The following SPECC1 variants were observed in gnomAD, a reference collection of about 807,000 sequenced individuals.
The protein encoded by SPECC1 is sperm antigen with calponin homology and coiled-coil domains 1, also known as cytospin-B.
A neutral mutation model predicts 104.1 loss-of-function variants in SPECC1; 62 were observed. The observed-to-expected ratio is 0.60, with a 90% CI of 0.49 to 0.74. The LOEUF is 0.74. SPECC1 is among the 30% of genes least tolerant of loss of function. The pLI is 0.00. For synonymous variants in SPECC1, 513 were observed against 501.6 expected, an observed-to-expected ratio of 1.02 and a Z score of -0.30; for missense variants, 1,306 against 1,310.5, an observed-to-expected ratio of 1.00 and a Z score of 0.05.
chr17:20,035,806 T>C (rs1418077931), intron 1 of SPECC1, among the ~76,000 whole-genome samples: 1 of 152,154 alleles, frequency 6.6e-6, no homozygotes, highest in Non-Finnish European at 1.5e-5. Context: ...ATTCACTTAG[T>C]AGTTTTAGTG....
chr17:20,290,568 G>GT, intron 12 of SPECC1, among the ~76,000 whole-genome samples: 2 of 152,118 alleles, frequency 1.3e-5, no homozygotes, highest in Non-Finnish European at 2.9e-5. Context: ...TGGCTGGAGT[G>GT]TAGTGGCATG....
At chr17:20,237,123 C>T in intron 7 of SPECC1, 11 of 1,389,720 alleles carry the variant, frequency 7.9e-6, no homozygotes, top group Non-Finnish European at 9.3e-6. Flanking sequence ...TACTTTTCCT[C>T]AGAAGATTGA....
At chr17:20,107,739 T>G (rs184835333) in intron 2 of SPECC1, among the ~76,000 whole-genome samples, 1 of 152,304 alleles carries the variant, frequency 6.6e-6, no homozygotes, top group Admixed American at 6.5e-5. Flanking sequence ...TTGACAAGGC[T>G]TGTCTCAAAC....
intron 4 of SPECC1, among the ~76,000 whole-genome samples, chr17:20,222,350 A>G (rs2037934200): frequency 6.6e-6 from 1 of 152,156 alleles, no homozygotes; most frequent in African/African-American, 2.4e-5. Context: ...AAAAAGTTTC[A>G]GGAATTATTT....
intron 3 of SPECC1, among the ~76,000 whole-genome samples, chr17:20,188,632 G>C (rs1237708887): frequency 6.6e-6 from 1 of 152,102 alleles, no homozygotes; most frequent in Non-Finnish European, 1.5e-5. Context: ...AAGTCTCTCA[G>C]ACTTTGTTTC....
intron 12 of SPECC1, among the ~76,000 whole-genome samples, chr17:20,289,313 A>C (rs1222250744): frequency 6.6e-6 from 1 of 152,042 alleles, no homozygotes; most frequent in African/African-American, 2.4e-5. Context: ...ACACAGCCAG[A>C]CCATATCAGA....
chr17:20,097,639 C>T (rs969672191), intron 2 of SPECC1, among the ~76,000 whole-genome samples: 2 of 152,120 alleles, frequency 1.3e-5, no homozygotes, highest in Admixed American at 1.3e-4. Flanking sequence ...TGGTGAAGTT[C>T]TGAACCAAGC....
chr17:20,019,211 CATTTATTTATTT>C (rs967752200), intron 1 of SPECC1, among the ~76,000 whole-genome samples: 4 of 20,936 alleles, frequency 1.9e-4, no homozygotes, highest in Admixed American at 8.4e-4. Flanking sequence ...CCCTATCATT[CATTTATTTATTT>C]ATTTATTTAT....
chr17:20,199,990 A>G (rs774095564), intron 3 of SPECC1, among the ~76,000 whole-genome samples: 5 of 151,970 alleles, frequency 3.3e-5, no homozygotes, highest in Admixed American at 6.6e-5. Context: ...ATGGGGTTTC[A>G]CCACGTTGGC....
intron 4 of SPECC1, among the ~76,000 whole-genome samples, chr17:20,211,658 A>G (rs2037157269): frequency 6.6e-6 from 1 of 152,238 alleles, no homozygotes. Context: ...CGACACCCCC[A>G]GGTCTCTGTT....
chr17:20,190,120 A>G (rs1055833637), intron 3 of SPECC1, among the ~76,000 whole-genome samples: 2 of 152,062 alleles, frequency 1.3e-5, no homozygotes, highest in Admixed American at 6.5e-5. Flanking sequence ...CTTTTCTGTC[A>G]TAGTCAAGGT....
chr17:20,303,451 T>A (rs1420945179), intron 13 of SPECC1, among the ~76,000 whole-genome samples: 1 of 152,136 alleles, frequency 6.6e-6, no homozygotes, highest in East Asian at 1.9e-4. Flanking sequence ...GGCCACAGAC[T>A]GGAAGAAAAT....
chr17:20,316,945 C>G lies in SPECC1; in HGVS notation c.*2880C>G, dbSNP rs1598191586. 1.4e-5 allele frequency: 3 copies of G among 216,470 alleles called. No individual in the cohort carries two copies. The East Asian group carries it at 2.0e-4, about 15-fold the overall frequency. The allele number at this position is 216,470 out of a possible 1,614,324, so 13.4% of individuals were successfully genotyped here. A position where few individuals can be genotyped will look rare whatever the true frequency, so the allele number is the denominator to read the frequency against. ...CAAGTTGCCAATGACTGTGGCCAAA[C>G]TCCCCCATTTTTGTCTGTATCCTGC... On this transcript the variant is annotated 3_prime_UTR_variant, in exon 15 of 15. Coordinates refer to ENST00000395527, the MANE Select transcript of SPECC1 (RefSeq NM_001243439.2).
chr17:20,202,356 T>G (rs957284027), intron 3 of SPECC1, among the ~76,000 whole-genome samples: 2 of 152,096 alleles, frequency 1.3e-5, no homozygotes, highest in African/African-American at 4.8e-5. Flanking sequence ...TATGTTTTGT[T>G]GTGTTTAGTG....
intron 3 of SPECC1, among the ~76,000 whole-genome samples, chr17:20,192,266 C>A (rs1010787294): frequency 6.6e-6 from 1 of 152,120 alleles, no homozygotes; most frequent in African/African-American, 2.4e-5. Flanking sequence ...TGAGCCATTA[C>A]ACCGAGCCCT....
intron 3 of SPECC1, among the ~76,000 whole-genome samples, chr17:20,183,334 C>T (rs2035038937): frequency 6.6e-6 from 1 of 152,138 alleles, no homozygotes; most frequent in Non-Finnish European, 1.5e-5. Flanking sequence ...AAATATGTTT[C>T]TCTTGAGGAA....
At chr17:20,236,820 AC>A (rs774404658) in intron 7 of SPECC1, 3 of 1,613,210 alleles carry the variant, frequency 1.9e-6, no homozygotes, top group East Asian at 2.2e-5. Flanking sequence ...GCCTTAGGTA[AC>A]TCCTTTACAG....
chr17:20,092,961 G>A (rs2047469429), intron 1 of SPECC1, among the ~76,000 whole-genome samples: 1 of 152,200 alleles, frequency 6.6e-6, no homozygotes, highest in Admixed American at 6.5e-5. Context: ...GTTTAGGTGT[G>A]TAGGTTTTGG....
intron 3 of SPECC1, among the ~76,000 whole-genome samples, chr17:20,150,637 C>CAA (rs576739649): frequency 3.8e-5 from 5 of 130,006 alleles, no homozygotes; most frequent in African/African-American, 5.7e-5. Flanking sequence ...AACTCTGTCT[C>CAA]AAAAAAAAAA....
Sources: gnomAD v4.1 joint callset for allele counts (sites outside exome capture counted in the v4.1 genomes callset) on GRCh38, gnomAD v4.1.1 for gene constraint, MANE v1.5 for transcripts, NCBI Gene and HGNC (gene_info 2026-07-23, HGNC 2026-07-21) for gene names.